Variants in RBPMS observed in about 807,000 individuals in gnomAD.
RBPMS encodes the protein RNA-binding protein with multiple splicing.
Under a neutral mutation model 26.8 loss-of-function variants are expected in RBPMS, and 7 were observed. That is an observed-to-expected ratio of 0.26 (90% CI 0.15 to 0.49). The LOEUF (loss-of-function observed/expected upper bound fraction) is 0.49, where lower values mean the gene tolerates loss of function less well. RBPMS is among the 20% of genes least tolerant of loss of function. RBPMS has a pLI of 0.98. For synonymous variants in RBPMS, 96 were observed against 93.3 expected, an observed-to-expected ratio of 1.03 and a Z score of -0.17; for missense variants, 186 against 250.0, an observed-to-expected ratio of 0.74 and a Z score of 1.73.
intron 5 of RBPMS, among the ~76,000 whole-genome samples, chr8:30,517,734 T>A (rs2979498): frequency 0.2 from 29,915 of 152,166 alleles, 3,214 homozygotes; most frequent in South Asian, 0.39. Context: ...AAGTGTTCAG[T>A]TGAAGTTATA....
intron 5 of RBPMS, among the ~76,000 whole-genome samples, chr8:30,522,701 T>C (rs981932801): frequency 6.6e-6 from 1 of 152,230 alleles, no homozygotes; most frequent in African/African-American, 2.4e-5. Context: ...TCCAAACTCA[T>C]GAAGTTGTAG....
intron 5 of RBPMS, among the ~76,000 whole-genome samples, chr8:30,524,289 G>A (rs536315674): frequency 6.6e-6 from 1 of 151,894 alleles, no homozygotes; most frequent in Non-Finnish European, 1.5e-5. Flanking sequence ...TTATGTTAAT[G>A]TATTTCATTA....
chr8:30,498,676 T>C (rs1309409832), intron 4 of RBPMS, among the ~76,000 whole-genome samples: 2 of 152,194 alleles, frequency 1.3e-5, no homozygotes, highest in Admixed American at 6.5e-5. Flanking sequence ...AGACTTTTTA[T>C]AGTGGTATCG....
chr8:30,490,708 G>A (rs182905524), intron 4 of RBPMS, among the ~76,000 whole-genome samples: 6 of 152,188 alleles, frequency 3.9e-5, no homozygotes, highest in Admixed American at 2.0e-4. Flanking sequence ...CTCGTGATGC[G>A]CCCACCTCGG....
At chr8:30,504,942 C>T (rs773320401) in intron 5 of RBPMS, among the ~76,000 whole-genome samples, 6 of 152,166 alleles carry the variant, frequency 3.9e-5, no homozygotes, top group Non-Finnish European at 7.3e-5. Context: ...TATATTGGAA[C>T]TGTCAGTCTA....
At chr8:30,540,509 AAT>A (rs1563427659) in intron 5 of RBPMS, among the ~76,000 whole-genome samples, 1 of 152,168 alleles carries the variant, frequency 6.6e-6, no homozygotes, top group Non-Finnish European at 1.5e-5. Context: ...TGCAACCTCA[AAT>A]AAGTCCTAGG....
At chr8:30,566,867 T>C (rs1827923859) in intron 8 of RBPMS, among the ~76,000 whole-genome samples, 1 of 152,084 alleles carries the variant, frequency 6.6e-6, no homozygotes, top group Non-Finnish European at 1.5e-5. Context: ...GAATCAGAAT[T>C]CACAATTAAT....
chr8:30,534,180 T>C (rs1824564026), intron 5 of RBPMS, among the ~76,000 whole-genome samples: 1 of 151,754 alleles, frequency 6.6e-6, no homozygotes, highest in African/African-American at 2.4e-5. Context: ...ACACAGAAAC[T>C]CAGTTTGGAG....
chr8:30,549,397 A>C, intron 6 of RBPMS: 1 of 940,068 alleles, frequency 1.1e-6, no homozygotes, highest in Non-Finnish European at 1.7e-6. Context: ...GAAGGACTGC[A>C]GAGCTTGCCT....
intron 4 of RBPMS, among the ~76,000 whole-genome samples, chr8:30,496,870 C>G (rs1820020291): frequency 6.6e-6 from 1 of 152,164 alleles, no homozygotes; most frequent in Non-Finnish European, 1.5e-5. Context: ...GGAGTCATTT[C>G]AGGCTCCAAC....
intron 1 of RBPMS, among the ~76,000 whole-genome samples, chr8:30,409,590 T>C (rs533859147): frequency 6.6e-6 from 1 of 152,358 alleles, no homozygotes; most frequent in South Asian, 2.1e-4. Context: ...AGTCAGTTAC[T>C]GACTTAGCAC....
chr8:30,559,891 C>A (rs1158489084), intron 7 of RBPMS, among the ~76,000 whole-genome samples: 1 of 152,158 alleles, frequency 6.6e-6, no homozygotes, highest in Non-Finnish European at 1.5e-5. Context: ...AAAAATACTT[C>A]CAAACTAAAC....
chr8:30,427,620 T>C (rs559113819), intron 1 of RBPMS, among the ~76,000 whole-genome samples: 24 of 152,202 alleles, frequency 1.6e-4, no homozygotes, highest in Non-Finnish European at 3.2e-4. Flanking sequence ...AGCATACATA[T>C]CATGTTGTAA....
intron 1 of RBPMS, among the ~76,000 whole-genome samples, chr8:30,460,014 T>C (rs1330930035): frequency 1.3e-5 from 2 of 152,154 alleles, no homozygotes; most frequent in Non-Finnish European, 2.9e-5. Flanking sequence ...AAGCAACATA[T>C]AAACTTAATA....
intron 1 of RBPMS, among the ~76,000 whole-genome samples, chr8:30,464,801 T>G (rs930677618): frequency 1.3e-5 from 2 of 152,214 alleles, no homozygotes; most frequent in African/African-American, 4.8e-5. Context: ...CTTTTTCATA[T>G]TCTGTGCTTG....
intron 7 of RBPMS, chr8:30,561,815 C>A: frequency 1.5e-5 from 15 of 975,580 alleles, no homozygotes; most frequent in Non-Finnish European, 1.8e-5. Flanking sequence ...GGCTTTTTTC[C>A]CCTTAAGAAT....
chr8:30,466,775 G>A (rs781231558), intron 1 of RBPMS, among the ~76,000 whole-genome samples: 14 of 151,936 alleles, frequency 9.2e-5, no homozygotes, highest in Non-Finnish European at 1.9e-4. Context: ...TGTATTTTTA[G>A]TAGAGACGGG....
At chr8:30,550,899 C>T (rs1563441664) in intron 6 of RBPMS, among the ~76,000 whole-genome samples, 1 of 152,228 alleles carries the variant, frequency 6.6e-6, no homozygotes, top group Non-Finnish European at 1.5e-5. Flanking sequence ...ACCCGCTGTC[C>T]CTGACCTTTC....
intron 1 of RBPMS, among the ~76,000 whole-genome samples, chr8:30,424,729 G>C (rs143591322): frequency 0.011 from 1,628 of 152,244 alleles, 22 homozygotes; most frequent in African/African-American, 0.037. Flanking sequence ...ATTTGATCTA[G>C]AAAGAAGGCC....
Sources: allele counts gnomAD v4.1 joint callset (sites outside exome capture counted in the v4.1 genomes callset), GRCh38; gene constraint gnomAD v4.1.1; transcripts MANE v1.5; gene names NCBI Gene and HGNC (gene_info 2026-07-23, HGNC 2026-07-21).